Variants in PLCH2 observed in about 807,000 individuals in gnomAD.
The protein encoded by PLCH2 is 1-phosphatidylinositol 4,5-bisphosphate phosphodiesterase eta-2.
In PLCH2, 98 loss-of-function variants were observed where a neutral mutation model predicts 134.7. The observed-to-expected ratio is 0.73, with a 90% CI of 0.62 to 0.86. PLCH2 has a LOEUF of 0.86. Among genes scored for constraint, PLCH2 ranks in the 40% least tolerant of loss-of-function variants. The pLI is 0.00. For missense variants in PLCH2, 1,994 were observed against 1,986.6 expected (o/e 1.00, Z -0.07); for synonymous variants, 974 against 827.5 (o/e 1.18, Z -3.04).
chr1:2,475,202 G>T (rs551451650), upstream of PLCH2, among the ~76,000 whole-genome samples: 1 of 152,332 alleles, frequency 6.6e-6, no homozygotes, highest in Non-Finnish European at 1.5e-5. Context: ...TGGCCCCGGG[G>T]CTCTGCCAGG....
At chr1:2,467,499 G>C (rs941543362) in exon 1 of PLCH2, 1 of 396,670 alleles carries the variant, frequency 2.5e-6, no homozygotes, top group Non-Finnish European at 4.4e-6. Flanking sequence ...GGCTGCGATC[G>C]GCATGGGCTC....
At chr1:2,452,211 C>T (rs1193574079) in intron 2 of PLCH2, among the ~76,000 whole-genome samples, 3 of 152,202 alleles carry the variant, frequency 2.0e-5, no homozygotes, top group East Asian at 1.9e-4. Context: ...GCAGCTGGGC[C>T]GCACGACCCA....
chr1:2,483,807 G>GTGGGGGGCGCTGACCCCCGTGT (rs1642115140), intron 4 of PLCH2, among the ~76,000 whole-genome samples: 1 of 35,832 alleles, frequency 2.8e-5, no homozygotes, highest in African/African-American at 1.2e-4. Context: ...TGACCCCCGT[G>GTGGGGGGCGCTGACCCCCGTGT]TGGGGGTGGC....
At chr1:2,469,796 G>A (rs1641241060) in intron 1 of PLCH2, among the ~76,000 whole-genome samples, 1 of 152,220 alleles carries the variant, frequency 6.6e-6, no homozygotes, top group South Asian at 2.1e-4. Context: ...CCGTGTGGGG[G>A]CAGGGTGGAG....
At chr1:2,480,431 A>G in intron 4 of PLCH2, 119 bp downstream of exon 4, 1 of 1,126,142 alleles carries the variant, frequency 8.9e-7, no homozygotes, top group Non-Finnish European at 1.3e-6. Context: ...AGTGCCCTCA[A>G]GCTGCACAGA....
chr1:2,492,515 T>C (rs1642642752), intron 11 of PLCH2: 1 of 152,230 alleles, frequency 6.6e-6, no homozygotes, highest in Non-Finnish European at 1.5e-5. Context: ...GAAGGCTTCC[T>C]GCAGGAGGAG....
chr1:2,505,161 C>A lies in PLCH2; in HGVS notation c.4199C>A (p.Ala1400Asp). The change falls in exon 22 of 22, where the codon GCC becomes GAC. Residue 1400 changes from alanine (A) to aspartate (D), a missense_variant. Physicochemically the swap from Ala to Asp is moderately radical, Grantham distance 126. This residue lies in a region of PLCH2 where 900 missense variants were observed against 752.3 expected (regional missense o/e 1.20). Transcript: ENST00000378486. ...SVDAPAPSKG[A>D]LGPASAAAEN... Reference sequence around the variant, plus strand: ...GATGCACCAGCACCCTCCAAGGGAGCCCTCGGGCCAGCATCCGCGGCTGCT... The same window carrying A: ...GATGCACCAGCACCCTCCAAGGGAGACCTCGGGCCAGCATCCGCGGCTGCT... 2 of 1,567,480 alleles carry A rather than the reference C, an allele frequency of 1.3e-6. No homozygotes were observed. The highest frequency in any genetic ancestry group is 1.7e-6 in the Non-Finnish European group (2 of 1,166,622).
intron 2 of PLCH2, among the ~76,000 whole-genome samples, chr1:2,431,162 G>GCA (rs1232365833): frequency 6.6e-6 from 1 of 151,898 alleles, no homozygotes; most frequent in Non-Finnish European, 1.5e-5. Flanking sequence ...GTGTGTGTGT[G>GCA]CACACCGCTA....
Position 2,503,251 on chromosome 1 carries a change from T to C in PLCH2, c.2960-671T>C, listed in dbSNP as rs111401831. 1.0e-4 allele frequency: 57 copies of C among 557,148 alleles called. 1 individual carries two copies. The highest frequency in any genetic ancestry group is 9.1e-4 in the African/African-American group (48 of 53,004). 34.5% of individuals were successfully genotyped at this position (557,148 alleles called of 1,614,324 possible). A position where few individuals can be genotyped will look rare whatever the true frequency, so the allele number is the denominator to read the frequency against. On this transcript the variant is annotated intron_variant, in intron 21 of 21. Transcript: ENST00000378486. ...TGGGCGCTTCCCCAAACTCACCTCC[T>C]GGGCGGCTGGCGACCTGCATGGCCC... is the stretch of plus-strand genomic sequence containing the variant.
At chr1:2,423,509 G>A (rs980329021), upstream of PLCH2, among the ~76,000 whole-genome samples, 1 of 152,176 alleles carries the variant, frequency 6.6e-6, no homozygotes, top group African/African-American at 2.4e-5. Flanking sequence ...GCCAAGCAAG[G>A]AGATGGGAGG....
In PLCH2 at chr1:2,504,592, C is replaced by T. The variant is rs747291667; in HGVS notation, c.3630C>T (p.Gly1210=). 6.2e-7 allele frequency: 1 copy of T among 1,612,760 alleles called. No homozygotes were observed. Among genetic ancestry groups the T allele is most frequent in the Non-Finnish European group, 8.5e-7 (1 of 1,179,814 alleles). The change falls in exon 22 of 22, where the codon GGC becomes GGT. Residue 1210 remains glycine (G), a synonymous_variant. Transcript: ENST00000378486. The part of the protein sequence containing the change: ...SKSNPNLRAT[G]QRPPIPDELQ... Reference sequence around the variant, plus strand: ...CCAACCCCAACCTTCGGGCTACAGGCCAGCGGCCTCCCATACCTGACGAAC... The same window carrying T: ...CCAACCCCAACCTTCGGGCTACAGGTCAGCGGCCTCCCATACCTGACGAAC...
rs1448000779 is a variant in PLCH2, at chr1:2,502,192, GC to G, written c.2747del (p.Pro916ArgfsTer130). The G allele has an allele frequency of 3.9e-6, 6 of 1,534,202 alleles. No individual in the cohort carries two copies. The highest frequency in any genetic ancestry group is 2.0e-5 in the Admixed American group (1 of 49,430). Reference protein sequence around the residue: ...GSLDSHAAGRPPARPSVSQRI... With the variant: ...GSLDSHAAGRXPARPSVSQRI... ...CGCTGGACAGTCATGCTGCTGGGCG[GC>G]CCCCGGCCCGGCCCTCCGTTAGCCA... On this transcript the variant is annotated frameshift_variant, in exon 21 of 22. Coordinates refer to ENST00000378486, the MANE Select transcript of PLCH2 (RefSeq NM_014638.4). LOFTEE classifies it high-confidence loss of function.
the PLCH2 span, among the ~76,000 whole-genome samples, chr1:2,419,039 G>A: frequency 6.6e-6 from 1 of 152,188 alleles, no homozygotes; most frequent in Non-Finnish European, 1.5e-5. Flanking sequence ...TCTGCGGTTG[G>A]CACGGCTCAT....
At chr1:2,438,129 A>G (rs1639519731) in intron 2 of PLCH2, among the ~76,000 whole-genome samples, 1 of 152,208 alleles carries the variant, frequency 6.6e-6, no homozygotes, top group Non-Finnish European at 1.5e-5. Context: ...CTGCGCTCCC[A>G]GCCACCTGGC....
chr1:2,451,862 C>T (rs1041149769), intron 2 of PLCH2, among the ~76,000 whole-genome samples: 1 of 152,150 alleles, frequency 6.6e-6, no homozygotes, highest in African/African-American at 2.4e-5. Context: ...GACTGTGATT[C>T]AGGCTGAGCT....
At chr1:2,416,027 C>T in the PLCH2 span, among the ~76,000 whole-genome samples, 30,435 of 152,184 alleles carry the variant, frequency 0.2, 3,389 homozygotes, top group Admixed American at 0.3. Context: ...GTATCCCCAT[C>T]CCCCCACCAA....
At chr1:2,453,445 G>A (rs779587105) in intron 2 of PLCH2, among the ~76,000 whole-genome samples, 3 of 152,168 alleles carry the variant, frequency 2.0e-5, no homozygotes, top group Non-Finnish European at 4.4e-5. Context: ...TGTGCACACC[G>A]CAGGCCCTCC....
At chr1:2,441,441 C>T (rs1038344500) in intron 2 of PLCH2, among the ~76,000 whole-genome samples, 3 of 152,220 alleles carry the variant, frequency 2.0e-5, no homozygotes, top group Non-Finnish European at 4.4e-5. Context: ...GCACCGAGCT[C>T]TGTGGGTACT....
At chr1:2,469,778 C>T (rs1303114587) in intron 1 of PLCH2, among the ~76,000 whole-genome samples, 5 of 152,200 alleles carry the variant, frequency 3.3e-5, no homozygotes, top group Admixed American at 2.6e-4. Context: ...CGAGTGGGCG[C>T]GGGCCTCCCG....
Sources: allele counts gnomAD v4.1 joint callset (sites outside exome capture counted in the v4.1 genomes callset), GRCh38; gene constraint gnomAD v4.1.1; regional missense constraint gnomAD v4.1.1; transcripts MANE v1.5; gene names NCBI Gene and HGNC (gene_info 2026-07-23, HGNC 2026-07-21).